EBF3: variants seen among roughly 807,000 people sequenced by gnomAD.
The protein encoded by EBF3 is transcription factor COE3.
EBF3 carries 18 observed loss-of-function variants against 77.1 expected under a neutral mutation model. The observed-to-expected ratio is 0.23, with a 90% CI of 0.16 to 0.35. The LOEUF (loss-of-function observed/expected upper bound fraction) is 0.35, where lower values mean the gene tolerates loss of function less well. Ranked by LOEUF, EBF3 falls within the 10% of genes least tolerant of loss-of-function variation. EBF3 has a pLI of 1.00. For missense variants in EBF3, 558 were observed against 860.0 expected, an observed-to-expected ratio of 0.65 and a Z score of 4.39; for synonymous variants, 350 against 343.5, an observed-to-expected ratio of 1.02 and a Z score of -0.21.
Position 129,868,013 on chromosome 10 carries a change from G to A in EBF3, c.782-101C>T, listed in dbSNP as rs2134081611. ...GTCCCGCGGCCACCGCGGGAGGAGA[G>A]GCGCGCCGTTCCTCCAGGCGGCACG... On this transcript the variant is annotated intron_variant, in intron 8 of 16. Transcript: ENST00000440978. 4.6e-6 allele frequency: 7 copies of A among 1,513,568 alleles called. No homozygotes were observed. In the East Asian group the frequency reaches 1.6e-4, roughly 35 times the overall value. The allele number at this position is 1,513,568 out of a possible 1,614,324, so 93.8% of individuals were successfully genotyped here.
chr10:129,942,207 A>G (rs1349633874), intron 6 of EBF3, among the ~76,000 whole-genome samples: 1 of 152,190 alleles, frequency 6.6e-6, no homozygotes, highest in Non-Finnish European at 1.5e-5. Flanking sequence ...TTAAGTTTTG[A>G]AAGATCATCG....
chr10:129,923,182 G>A (rs568308505), intron 6 of EBF3, among the ~76,000 whole-genome samples: 34 of 152,324 alleles, frequency 2.2e-4, no homozygotes, highest in South Asian at 4.1e-4. Flanking sequence ...CACAAGCCAC[G>A]TGCCTTCCAT....
chr10:129,855,176 C>G (rs751955998), intron 10 of EBF3, among the ~76,000 whole-genome samples: 7 of 152,200 alleles, frequency 4.6e-5, no homozygotes, highest in African/African-American at 1.7e-4. Context: ...CACTTGACTT[C>G]TAATTGGAAT....
rs1857325214 is a variant in EBF3, at chr10:129,935,950, A to T, written c.554+21308T>A. Among the ~76,000 whole-genome samples, 1 of 151,698 alleles carries T rather than the reference A, an allele frequency of 6.6e-6. No individual in the cohort carries two copies. On this transcript the variant is annotated intron_variant, in intron 6 of 16. Coordinates refer to ENST00000440978, the MANE Select transcript of EBF3 (RefSeq NM_001375380.1). The surrounding 1 kb of genome is among the most constrained non-coding windows in gnomAD (Gnocchi z 4.2). ...GGAGCACCAGGGCCCCTCCTCCACC[A>T]TCATCCATCGGGGGGCTTCCTGAAG...
chr10:129,836,389 A>G lies in EBF3; in HGVS notation c.*1554T>C, dbSNP rs1849609284. ...CATCTAAAATGACTTTTTACATTCT[A>G]CAAAAAAATAAAATAAAATAAGGAC... On this transcript the variant is annotated 3_prime_UTR_variant, in exon 17 of 17. Coordinates refer to ENST00000440978, the MANE Select transcript of EBF3 (RefSeq NM_001375380.1). The G allele has an allele frequency of 6.6e-6, 1 of 152,220 alleles. No homozygotes were observed. Among genetic ancestry groups the G allele is most frequent in the Non-Finnish European group, 1.5e-5 (1 of 67,874 alleles). The allele number at this position is 152,220 out of a possible 1,614,324, so 9.4% of individuals were successfully genotyped here.
chr10:129,900,477 A>C (rs952987935), intron 6 of EBF3, among the ~76,000 whole-genome samples: 1 of 152,238 alleles, frequency 6.6e-6, no homozygotes, highest in African/African-American at 2.4e-5. Context: ...CAGCACCAGC[A>C]AGGTCCTGGG....
rs187713034 is a variant in EBF3, at chr10:129,864,713, C to G, written c.1039+2428G>C. ...CACATGTCACTTTCATGTCACAAAC[C>G]AGGACCCCGCAGCAGACACAGGCAC... On this transcript the variant is annotated intron_variant, in intron 10 of 16. Coordinates refer to ENST00000440978, the MANE Select transcript of EBF3 (RefSeq NM_001375380.1). The surrounding 1 kb of genome is among the most constrained non-coding windows in gnomAD (Gnocchi z 4.4). 1.4e-4 allele frequency among the ~76,000 whole-genome samples: 21 copies of G among 152,290 alleles called. No homozygotes were observed. Among genetic ancestry groups the G allele is most frequent in the Admixed American group, 1.2e-3 (19 of 15,300 alleles).
In EBF3 at chr10:129,867,196, G is replaced by C. The variant is rs202131955; in HGVS notation, c.984C>G (p.Leu328=). ...RHIPGVVEVT[L]SYKSKQFCKG... ...TGCAGAACTGCTTGGATTTGTAGGA[G>C]AGGGTCACTTCGACGACGCCAGGAA... Residue 328 remains leucine, a synonymous_variant, in exon 10 of 17, where the codon CTC becomes CTG. Coordinates refer to ENST00000440978, the MANE Select transcript of EBF3 (RefSeq NM_001375380.1). 4.3e-6 allele frequency: 7 copies of C among 1,614,078 alleles called. No individual in the cohort carries two copies. Among genetic ancestry groups the C allele is most frequent in the Non-Finnish European group, 5.1e-6 (6 of 1,180,054 alleles).
intron 10 of EBF3, among the ~76,000 whole-genome samples, chr10:129,865,448 C>T (rs528491936): frequency 3.0e-4 from 45 of 152,286 alleles, no homozygotes; most frequent in African/African-American, 1.1e-3. Flanking sequence ...GTCCGGACAT[C>T]AGCTCTTTGC....
chr10:129,872,268 C>T (rs1852455917), intron 8 of EBF3, among the ~76,000 whole-genome samples: 1 of 152,204 alleles, frequency 6.6e-6, no homozygotes, highest in South Asian at 2.1e-4. Flanking sequence ...AAACACACAC[C>T]TACCTTCAGT....
At chr10:129,847,246 G>C (rs1485191826) in intron 11 of EBF3, among the ~76,000 whole-genome samples, 1 of 152,108 alleles carries the variant, frequency 6.6e-6, no homozygotes, top group Non-Finnish European at 1.5e-5. Context: ...CATGTGGTCT[G>C]TCTATGGGAT....
intron 6 of EBF3, among the ~76,000 whole-genome samples, chr10:129,898,177 A>G (rs1854526288): frequency 1.3e-5 from 2 of 152,380 alleles, no homozygotes; most frequent in Non-Finnish European, 2.9e-5. Context: ...CAGAAGCAAG[A>G]GAACAAGACG....
chr10:129,908,664 G>A (rs148198732), intron 6 of EBF3, among the ~76,000 whole-genome samples: 4 of 152,326 alleles, frequency 2.6e-5, no homozygotes, highest in East Asian at 1.9e-4. Context: ...GTTGCAGTTC[G>A]TTAGTGGCGT....
At chr10:129,934,235 TGAAGACCCC>T (rs113249676) in intron 6 of EBF3, among the ~76,000 whole-genome samples, 5,344 of 151,836 alleles carry the variant, frequency 0.035, 218 homozygotes, top group African/African-American at 0.096. Context: ...CCTCCACCCT[TGAAGACCCC>T]AGAGACCCTC....
chr10:129,934,056 G>C (rs576139508), intron 6 of EBF3, among the ~76,000 whole-genome samples: 1 of 152,048 alleles, frequency 6.6e-6, no homozygotes, highest in Non-Finnish European at 1.5e-5. Flanking sequence ...TGTGAATTTC[G>C]GAGAAGCAAT....
At position 129,948,259 on chromosome 10, in the gene EBF3, C is replaced by CCAAAAA. The variant is rs1491368743; in HGVS notation, c.554+8998_554+8999insTTTTTG. Among the ~76,000 whole-genome samples the CCAAAAA allele has an allele frequency of 6.6e-5, 3 of 45,742 alleles. 1 individual carries two copies. Among genetic ancestry groups the CCAAAAA allele is most frequent in the Admixed American group, 5.3e-4 (2 of 3,756 alleles). 30.0% of individuals were successfully genotyped at this position (45,742 alleles called of 152,430 possible). ...GGCAACAAGAGCAAAAACTCCGTCT[C>CCAAAAA]AAAAAAAAAAAAAAAAAAAAAAAAA... On this transcript the variant is annotated intron_variant, in intron 6 of 16. Coordinates refer to ENST00000440978, the MANE Select transcript of EBF3 (RefSeq NM_001375380.1).
chr10:129,943,365 T>G lies in EBF3; in HGVS notation c.554+13893A>C, dbSNP rs1857928150. ...AAAAAAAATTAATTCCAGATTGTAGTTATTGTCTTAAGCACAAGAAGGTTG... is the reference window on the plus strand; with the variant it reads ...AAAAAAAATTAATTCCAGATTGTAGGTATTGTCTTAAGCACAAGAAGGTTG... On this transcript the variant is annotated intron_variant, in intron 6 of 16. Transcript: ENST00000440978. The surrounding 1 kb of genome is among the most constrained non-coding windows in gnomAD (Gnocchi z 8.8). Among the ~76,000 whole-genome samples the G allele has an allele frequency of 6.6e-6, 1 of 152,262 alleles. No homozygotes were observed. Among genetic ancestry groups the G allele is most frequent in the Admixed American group, 6.5e-5 (1 of 15,286 alleles).
At chr10:129,928,217 G>A (rs777614862) in intron 6 of EBF3, among the ~76,000 whole-genome samples, 9 of 152,184 alleles carry the variant, frequency 5.9e-5, no homozygotes, top group Non-Finnish European at 1.3e-4. Context: ...GCACGTTTAC[G>A]ATCATAAAAA....
rs1219931045 is a variant in EBF3 at position 129,963,196 on chromosome 10, A to T, written c.291+171T>A. 2 of 1,168,282 alleles carry T rather than the reference A, an allele frequency of 1.7e-6. No homozygotes were observed. The highest frequency in any genetic ancestry group is 3.2e-5 in the African/African-American group (2 of 63,002). The allele number at this position is 1,168,282 out of a possible 1,614,324, so 72.4% of individuals were successfully genotyped here. ...TCGCCCCGAGTAAGTCCGAGGGCGCAGAGAAGTTGCCCAGCCCTCGGCGGT... is the reference window on the plus strand; with the variant it reads ...TCGCCCCGAGTAAGTCCGAGGGCGCTGAGAAGTTGCCCAGCCCTCGGCGGT... On this transcript the variant is annotated intron_variant, in intron 2 of 16. Transcript: ENST00000440978. The surrounding 1 kb of genome is among the most constrained non-coding windows in gnomAD (Gnocchi z 7.1).
Sources: gnomAD v4.1 joint callset for allele counts (sites outside exome capture counted in the v4.1 genomes callset) on GRCh38, gnomAD v4.1.1 for gene constraint, Gnocchi (gnomAD v3.1) non-coding constraint, MANE v1.5 for transcripts, NCBI Gene and HGNC (gene_info 2026-07-23, HGNC 2026-07-21) for gene names.